The following CCDC171 variants were observed in gnomAD, a reference collection of about 807,000 sequenced individuals.
CCDC171 encodes coiled-coil domain-containing protein 171.
A neutral mutation model predicts 168.2 loss-of-function variants in CCDC171; 177 were observed. The ratio of observed to expected loss-of-function variants is 1.05; its 90% CI spans 0.93 to 1.19. The LOEUF is 1.19. CCDC171 is among the 50% of genes most tolerant of loss of function. The pLI is 0.00. For synonymous variants in CCDC171, 687 were observed against 540.8 expected, an observed-to-expected ratio of 1.27 and a Z score of -3.75; for missense variants, 1,991 against 1,539.0, an observed-to-expected ratio of 1.29 and a Z score of -4.91.
chr9:15,637,688 C>T (rs1387976428), intron 7 of CCDC171, among the ~76,000 whole-genome samples: 1 of 141,162 alleles, frequency 7.1e-6, no homozygotes, highest in East Asian at 2.1e-4. Flanking sequence ...TCTCATTGTT[C>T]AGTTCCCATC....
chr9:16,067,699 G>A, the CCDC171 span, among the ~76,000 whole-genome samples: 1 of 152,128 alleles, frequency 6.6e-6, no homozygotes, highest in African/African-American at 2.4e-5. Flanking sequence ...AGTTTTCCCA[G>A]CACCATTTAT....
chr9:15,734,224 T>A (rs2054336335), intron 16 of CCDC171, among the ~76,000 whole-genome samples: 1 of 152,220 alleles, frequency 6.6e-6, no homozygotes, highest in Admixed American at 6.5e-5. Context: ...TTTAATTATC[T>A]GTAAAAGTAC....
chr9:15,715,624 T>A (rs1478127505), intron 11 of CCDC171, among the ~76,000 whole-genome samples: 1 of 152,182 alleles, frequency 6.6e-6, no homozygotes, highest in African/African-American at 2.4e-5. Context: ...GATAGCTGTA[T>A]AAAAAAAGCT....
At chr9:15,818,330 C>A (rs201251543) in intron 21 of CCDC171, among the ~76,000 whole-genome samples, 3 of 117,780 alleles carry the variant, frequency 2.5e-5, no homozygotes, top group African/African-American at 9.6e-5. Flanking sequence ...CAGCAACGGA[C>A]CAAAGCTGGA....
chr9:15,981,190 A>G (rs1054169865), intron 3 of CCDC171, among the ~76,000 whole-genome samples: 4 of 152,070 alleles, frequency 2.6e-5, no homozygotes, highest in South Asian at 2.1e-4. Context: ...CTAACCCCCA[A>G]TGTGATAATA....
intron 6 of CCDC171, among the ~76,000 whole-genome samples, chr9:16,028,911 T>G (rs1178423200): frequency 2.0e-5 from 3 of 152,098 alleles, no homozygotes; most frequent in Non-Finnish European, 2.9e-5. Context: ...TTCCTTCCTT[T>G]TCATGGAGTC....
intron 6 of CCDC171, among the ~76,000 whole-genome samples, chr9:15,615,986 T>G (rs539273326): frequency 7.0e-4 from 106 of 152,276 alleles, no homozygotes; most frequent in African/African-American, 2.2e-3. Flanking sequence ...AGTCTCGCTC[T>G]GTCGCCCAGG....
At chr9:15,722,361 A>C (rs2053539381) in intron 12 of CCDC171, among the ~76,000 whole-genome samples, 1 of 152,244 alleles carries the variant, frequency 6.6e-6, no homozygotes, top group South Asian at 2.1e-4. Context: ...GTTTTTAAAA[A>C]ACAAATATCT....
chr9:15,897,618 A>G (rs1024697085), intron 24 of CCDC171, among the ~76,000 whole-genome samples: 1 of 152,158 alleles, frequency 6.6e-6, no homozygotes, highest in Non-Finnish European at 1.5e-5. Context: ...TGATTGTGAG[A>G]TCTTTGAAAA....
chr9:15,985,125 T>G (rs2132883461), intron 3 of CCDC171, among the ~76,000 whole-genome samples: 1 of 152,160 alleles, frequency 6.6e-6, no homozygotes, highest in Admixed American at 6.5e-5. Context: ...TAGAAGAAAA[T>G]AAACTCTATA....
At chr9:16,040,234 A>C (rs1833551073), upstream of CCDC171, among the ~76,000 whole-genome samples, 1 of 152,156 alleles carries the variant, frequency 6.6e-6, no homozygotes, top group South Asian at 2.1e-4. Context: ...CGCTTTGCCC[A>C]GTCCTGCCTC....
At chr9:16,062,160 G>A (rs1313284445), downstream of CCDC171, among the ~76,000 whole-genome samples, 1 of 152,064 alleles carries the variant, frequency 6.6e-6, no homozygotes, top group Admixed American at 6.5e-5. Flanking sequence ...GGCTGGGGCT[G>A]GGGATGATAG....
At chr9:15,983,024 G>A (rs1231269358) in intron 3 of CCDC171, among the ~76,000 whole-genome samples, 4 of 152,040 alleles carry the variant, frequency 2.6e-5, no homozygotes, top group East Asian at 1.9e-4. Flanking sequence ...AAACATGTTC[G>A]TTCTTACCCT....
chr9:15,827,072 G>A (rs1339889314), intron 21 of CCDC171, among the ~76,000 whole-genome samples: 1 of 152,194 alleles, frequency 6.6e-6, no homozygotes, highest in African/African-American at 2.4e-5. Flanking sequence ...TGAGCTTGCT[G>A]TTAGGCTGGG....
Position 16,024,047 on chromosome 9 carries a change from G to A in CCDC171, n.998+1139G>A, listed in dbSNP as rs140778644. 4.2e-3 allele frequency among the ~76,000 whole-genome samples: 644 copies of A among 152,112 alleles called. 2 individuals carry two copies. Among genetic ancestry groups the A allele is most frequent in the Non-Finnish European group, 6.5e-3 (443 of 67,990 alleles). ...TGTGATGAGGGAAGCAGAGGTCAGCGTAATGCACTTTGAAGATGGAGGAAG... is the reference window on the plus strand; with the variant it reads ...TGTGATGAGGGAAGCAGAGGTCAGCATAATGCACTTTGAAGATGGAGGAAG... On this transcript the variant is annotated intron_variant and non_coding_transcript_variant, in intron 6 of 9. Coordinates refer to the CCDC171 transcript ENST00000486641.
intron 3 of CCDC171, among the ~76,000 whole-genome samples, chr9:15,573,059 T>C (rs1179327464): frequency 6.6e-6 from 1 of 152,082 alleles, no homozygotes; most frequent in African/African-American, 2.4e-5. Context: ...CTTGGGAGGC[T>C]GAGGCAGGAG....
chr9:15,571,530 G>T (rs2040220673), intron 2 of CCDC171, 94 bp from the exon 3 acceptor site: 11 of 1,066,948 alleles, frequency 1.0e-5, no homozygotes, highest in Admixed American at 2.9e-5. Context: ...TGTTCTCTTT[G>T]TTTTTTGAAA....
intron 23 of CCDC171, among the ~76,000 whole-genome samples, chr9:15,869,466 G>A (rs562897250): frequency 3.4e-4 from 50 of 148,878 alleles, no homozygotes; most frequent in Non-Finnish European, 6.1e-4. Flanking sequence ...CGTTTATAAC[G>A]GTGTTCTTAT....
chr9:15,767,943 C>G (rs2056820918), intron 18 of CCDC171, among the ~76,000 whole-genome samples: 1 of 148,272 alleles, frequency 6.7e-6, no homozygotes, highest in South Asian at 2.2e-4. Context: ...CCATGTTGTC[C>G]AGGCTGGTCT....
Sources: allele counts gnomAD v4.1 joint callset (sites outside exome capture counted in the v4.1 genomes callset), GRCh38; gene constraint gnomAD v4.1.1; transcripts MANE v1.5; gene names NCBI Gene and HGNC (gene_info 2026-07-23, HGNC 2026-07-21).